LRP1B: variants seen among roughly 807,000 people sequenced by gnomAD.
LRP1B encodes low-density lipoprotein receptor-related protein 1B.
A neutral mutation model predicts 556.6 loss-of-function variants in LRP1B; 217 were observed. The ratio of observed to expected loss-of-function variants is 0.39; its 90% CI spans 0.35 to 0.44. The LOEUF is 0.44. Among genes scored for constraint, LRP1B ranks in the 20% least tolerant of loss-of-function variants. The pLI, the probability that LRP1B is intolerant of heterozygous loss-of-function variation, is 1.00. For missense variants in LRP1B, 5,053 were observed against 5,620.8 expected, an observed-to-expected ratio of 0.90 and a Z score of 3.23; for synonymous variants, 2,047 against 1,865.8, an observed-to-expected ratio of 1.10 and a Z score of -2.50.
chr2:142,025,036 G>A (rs754575266), intron 1 of LRP1B, among the ~76,000 whole-genome samples: 8 of 152,098 alleles, frequency 5.3e-5, no homozygotes, highest in Admixed American at 1.3e-4. Flanking sequence ...AACCAAAGCA[G>A]AGGAAATTGA....
At chr2:142,081,789 G>C (rs1328815981) in intron 1 of LRP1B, among the ~76,000 whole-genome samples, 1 of 152,088 alleles carries the variant, frequency 6.6e-6, no homozygotes, top group Non-Finnish European at 1.5e-5. Context: ...ATTTTTATTT[G>C]ATTTGGCATA....
At chr2:141,857,986 G>A (rs983343550) in intron 1 of LRP1B, among the ~76,000 whole-genome samples, 1 of 152,024 alleles carries the variant, frequency 6.6e-6, no homozygotes, top group Non-Finnish European at 1.5e-5. Flanking sequence ...TGGATTATTT[G>A]TACTAAAGAT....
intron 7 of LRP1B, among the ~76,000 whole-genome samples, chr2:141,067,266 G>T (rs1699504321): frequency 6.6e-6 from 1 of 151,986 alleles, no homozygotes; most frequent in African/African-American, 2.4e-5. Context: ...AAAGTAATGA[G>T]TCTTTGAAAT....
intron 3 of LRP1B, among the ~76,000 whole-genome samples, chr2:141,257,278 T>C (rs1479760205): frequency 1.3e-5 from 2 of 152,146 alleles, no homozygotes; most frequent in Non-Finnish European, 2.9e-5. Context: ...GATTCAGTTA[T>C]ACTATGAAAA....
At chr2:140,270,547 G>C (rs902319997) in intron 85 of LRP1B, among the ~76,000 whole-genome samples, 5 of 151,696 alleles carry the variant, frequency 3.3e-5, no homozygotes, top group African/African-American at 1.2e-4. Flanking sequence ...TTTTTCTTCT[G>C]ATAATTCTCA....
At chr2:141,551,270 C>T (rs554219167) in intron 2 of LRP1B, among the ~76,000 whole-genome samples, 2 of 150,990 alleles carry the variant, frequency 1.3e-5, no homozygotes, top group East Asian at 3.9e-4. Flanking sequence ...ATTAATAGAA[C>T]TTTTTAGTTT....
At chr2:140,696,007 T>G (rs944262431) in intron 41 of LRP1B, among the ~76,000 whole-genome samples, 3 of 152,166 alleles carry the variant, frequency 2.0e-5, no homozygotes, top group African/African-American at 4.8e-5. Flanking sequence ...AATCTGATAG[T>G]GAAATTTAGA....
At chr2:142,082,947 T>C (rs190202543) in intron 1 of LRP1B, among the ~76,000 whole-genome samples, 68 of 152,238 alleles carry the variant, frequency 4.5e-4, no homozygotes, top group Middle Eastern at 3.4e-3. Context: ...TTGTTATCTC[T>C]GCAAGATAAG....
intron 3 of LRP1B, among the ~76,000 whole-genome samples, chr2:141,301,324 A>G (rs1042402177): frequency 2.0e-5 from 3 of 152,158 alleles, no homozygotes; most frequent in Non-Finnish European, 4.4e-5. Flanking sequence ...ATCTCTTACA[A>G]GTTATGGCTA....
At chr2:141,816,531 G>A (rs186940553) in intron 1 of LRP1B, among the ~76,000 whole-genome samples, 69 of 152,264 alleles carry the variant, frequency 4.5e-4, no homozygotes, top group South Asian at 1.9e-3. Flanking sequence ...AGCCACAGAC[G>A]AAAGGCTACA....
intron 3 of LRP1B, among the ~76,000 whole-genome samples, chr2:141,359,911 A>G (rs1688760198): frequency 6.6e-6 from 1 of 152,192 alleles, no homozygotes; most frequent in African/African-American, 2.4e-5. Context: ...CAGAGAAGTA[A>G]CTTAAGTTTA....
At chr2:140,927,414 T>A (rs1290245675) in intron 20 of LRP1B, among the ~76,000 whole-genome samples, 1 of 152,196 alleles carries the variant, frequency 6.6e-6, no homozygotes, top group African/African-American at 2.4e-5. Flanking sequence ...CAAACCCACA[T>A]AATTAAACTT....
At position 141,793,763 on chromosome 2, in the gene LRP1B, G is replaced by A. The variant is rs550223102; in HGVS notation, c.205+16516C>T. Among the ~76,000 whole-genome samples the A allele has an allele frequency of 4.0e-5, 6 of 151,592 alleles. No individual in the cohort carries two copies. The South Asian group carries it at 1.0e-3, about 26-fold the overall frequency. On this transcript the variant is annotated intron_variant, in intron 2 of 90. Coordinates refer to ENST00000389484, the MANE Select transcript of LRP1B (RefSeq NM_018557.3). ...TTCTTCACTTTATATTTGTTTTAACGTGTATCAGTTAAAATTAAGTTAGAA... is the reference window on the plus strand; with the variant it reads ...TTCTTCACTTTATATTTGTTTTAACATGTATCAGTTAAAATTAAGTTAGAA...
At position 140,868,280 on chromosome 2, in the gene LRP1B, A is replaced by G. The variant is rs1329537324; in HGVS notation, c.4170-17T>C. The G allele has an allele frequency of 4.5e-6, 7 of 1,552,652 alleles. No homozygotes were observed. The highest frequency in any genetic ancestry group is 2.5e-5 in the South Asian group (2 of 80,454). ...AAAAGAATTCTAAAAAAAAAAAAAAAAAAAGAAATAATACTATTGTTTCAG... is the reference window on the plus strand; with the variant it reads ...AAAAGAATTCTAAAAAAAAAAAAAAGAAAAGAAATAATACTATTGTTTCAG... On this transcript the variant is annotated splice_polypyrimidine_tract_variant and intron_variant, in intron 25 of 90. Transcript: ENST00000389484.
chr2:140,240,110 T>G (rs1397134909), intron 87 of LRP1B, among the ~76,000 whole-genome samples: 3 of 150,878 alleles, frequency 2.0e-5, no homozygotes, highest in African/African-American at 7.3e-5. Context: ...TTGAGGCTCA[T>G]GCTCTTCAAC....
intron 2 of LRP1B, among the ~76,000 whole-genome samples, chr2:141,777,690 C>T (rs1288092066): frequency 1.3e-5 from 2 of 152,114 alleles, no homozygotes; most frequent in East Asian, 1.9e-4. Flanking sequence ...GCTGGGATTA[C>T]AGTCGTGAGC....
At chr2:140,473,562 A>G (rs1423704604) in intron 60 of LRP1B, among the ~76,000 whole-genome samples, 1 of 151,880 alleles carries the variant, frequency 6.6e-6, no homozygotes, top group Non-Finnish European at 1.5e-5. Flanking sequence ...TTTTTTAATA[A>G]TAAGTAGGAG....
intron 66 of LRP1B, among the ~76,000 whole-genome samples, chr2:140,400,622 T>G (rs913329150): frequency 6.6e-6 from 1 of 152,172 alleles, no homozygotes; most frequent in Non-Finnish European, 1.5e-5. Flanking sequence ...CTGGAAGCAG[T>G]GCTAGCATGT....
At chr2:140,343,999 G>A (rs889062210) in intron 77 of LRP1B, among the ~76,000 whole-genome samples, 7 of 151,550 alleles carry the variant, frequency 4.6e-5, no homozygotes, top group African/African-American at 1.5e-4. Flanking sequence ...TCATAGACAC[G>A]TTCATTAGTT....
Sources: allele counts gnomAD v4.1 joint callset (sites outside exome capture counted in the v4.1 genomes callset), GRCh38; gene constraint gnomAD v4.1.1; transcripts MANE v1.5; gene names NCBI Gene and HGNC (gene_info 2026-07-23, HGNC 2026-07-21).